Variants in RORA observed in about 807,000 individuals in gnomAD.
The protein encoded by RORA is RAR related orphan receptor A.
A neutral mutation model predicts 69.5 loss-of-function variants in RORA; 7 were observed. That is an observed-to-expected ratio of 0.10 (90% CI 0.06 to 0.19). The LOEUF is 0.19. RORA is among the 10% of genes least tolerant of loss of function. RORA has a pLI of 1.00. For synonymous variants in RORA, 261 were observed against 240.8 expected, an observed-to-expected ratio of 1.08 and a Z score of -0.78; for missense variants, 457 against 663.0, an observed-to-expected ratio of 0.69 and a Z score of 3.41.
intron 1 of RORA, among the ~76,000 whole-genome samples, chr15:60,802,915 C>T (rs1467878359): frequency 6.6e-6 from 1 of 151,896 alleles, no homozygotes; most frequent in Admixed American, 6.6e-5. Context: ...AAGGAAAACC[C>T]TTACATGTCC....
intron 10 of RORA, among the ~76,000 whole-genome samples, chr15:60,499,580 C>G (rs2065267610): frequency 2.0e-5 from 3 of 152,146 alleles, no homozygotes; most frequent in Non-Finnish European, 2.9e-5. Flanking sequence ...CAGTTTATGT[C>G]AGTGCAGAAT....
rs192338128 is a variant in RORA, at chr15:61,082,877, G to T, written c.166+146176C>A. 2.8e-3 allele frequency among the ~76,000 whole-genome samples: 423 copies of T among 152,252 alleles called. 4 individuals carry two copies. The highest frequency in any genetic ancestry group is 6.6e-4 in the Non-Finnish European group (45 of 68,018). On this transcript the variant is annotated intron_variant, in intron 1 of 10. Coordinates refer to ENST00000335670, the MANE Select transcript of RORA (RefSeq NM_134261.3). Reference sequence around the variant, plus strand: ...TCTGTTTAATACTGAGAAAGAATTGGAGAGTGTTGTCCTCAGTAGAAGCTT... The same window carrying T: ...TCTGTTTAATACTGAGAAAGAATTGTAGAGTGTTGTCCTCAGTAGAAGCTT...
At chr15:61,126,531 A>G (rs1342650615) in intron 1 of RORA, among the ~76,000 whole-genome samples, 2 of 152,236 alleles carry the variant, frequency 1.3e-5, no homozygotes, top group Non-Finnish European at 2.9e-5. Flanking sequence ...TTAAAAAATG[A>G]CTACTGTATA....
chr15:60,994,090 T>C (rs968150517), intron 1 of RORA, among the ~76,000 whole-genome samples: 7 of 152,224 alleles, frequency 4.6e-5, no homozygotes, highest in African/African-American at 1.7e-4. Flanking sequence ...AATTCAATGT[T>C]TTGTCCAAGT....
chr15:60,597,444 C>T (rs1400295802), intron 2 of RORA, among the ~76,000 whole-genome samples: 1 of 143,724 alleles, frequency 7.0e-6, no homozygotes, highest in African/African-American at 2.6e-5. Context: ...CCAAGAGGGA[C>T]CTCCATTCCT....
chr15:61,216,913 T>C (rs552722277), intron 1 of RORA, among the ~76,000 whole-genome samples: 2 of 152,282 alleles, frequency 1.3e-5, no homozygotes, highest in East Asian at 3.9e-4. Flanking sequence ...AAAAACCACA[T>C]ACACATATTG....
intron 2 of RORA, among the ~76,000 whole-genome samples, chr15:60,532,866 C>A (rs1454341599): frequency 6.6e-6 from 1 of 152,340 alleles, no homozygotes; most frequent in African/African-American, 2.4e-5. Flanking sequence ...AGATTACCTA[C>A]TGAGTTACAC....
At chr15:60,752,511 C>T (rs1438246039) in intron 1 of RORA, among the ~76,000 whole-genome samples, 1 of 152,026 alleles carries the variant, frequency 6.6e-6, no homozygotes. Context: ...GTTCCCAATC[C>T]TGTGATGTGA....
chr15:61,165,227 A>G (rs2079531162), intron 1 of RORA, among the ~76,000 whole-genome samples: 1 of 152,216 alleles, frequency 6.6e-6, no homozygotes, highest in Non-Finnish European at 1.5e-5. Flanking sequence ...TGGGGGCATA[A>G]GCCAGTTTTC....
At chr15:60,601,709 A>G (rs1478024137) in intron 2 of RORA, among the ~76,000 whole-genome samples, 2 of 152,306 alleles carry the variant, frequency 1.3e-5, no homozygotes, top group Non-Finnish European at 1.5e-5. Context: ...TTGTTCACCT[A>G]CTTTAATCAC....
chr15:60,961,917 C>A (rs758170406), intron 1 of RORA, among the ~76,000 whole-genome samples: 1 of 152,152 alleles, frequency 6.6e-6, no homozygotes. Context: ...CATATAAACA[C>A]GGAAGGCCTG....
rs1435246094 is a variant in RORA at position 61,147,764 on chromosome 15, C to CGTGTGTGTGTGT, written c.166+81288_166+81289insACACACACACAC. On this transcript the variant is annotated intron_variant, in intron 1 of 10. Coordinates refer to ENST00000335670, the MANE Select transcript of RORA (RefSeq NM_134261.3). The surrounding 1 kb of genome is among the most constrained non-coding windows in gnomAD (Gnocchi z 4.1). ...GATGGTCAGTAGGCACGTGCGCACA[C>CGTGTGTGTGTGT]GCGTGTGTGTGTGTGTGTGTGTGTG... Among the ~76,000 whole-genome samples, 2 of 33,584 alleles carry CGTGTGTGTGTGT rather than the reference C, an allele frequency of 6.0e-5. No homozygotes were observed. The highest frequency in any genetic ancestry group is 7.5e-5 in the African/African-American group (1 of 13,364). The allele number at this position is 33,584 out of a possible 152,430, so 22.0% of individuals were successfully genotyped here. A position where few individuals can be genotyped will look rare whatever the true frequency, so the allele number is the denominator to read the frequency against.
chr15:61,052,919 G>A (rs1407188784), intron 1 of RORA, among the ~76,000 whole-genome samples: 1 of 152,208 alleles, frequency 6.6e-6, no homozygotes, highest in African/African-American at 2.4e-5. Context: ...CAAGATTAAG[G>A]AAGTGACAGC....
intron 1 of RORA, among the ~76,000 whole-genome samples, chr15:60,983,325 G>T (rs28545359): frequency 6.6e-6 from 1 of 152,062 alleles, no homozygotes; most frequent in Non-Finnish European, 1.5e-5. Context: ...CTAGTATAGC[G>T]TCACATGACA....
chr15:60,898,774 G>A (rs377414779), intron 1 of RORA, among the ~76,000 whole-genome samples: 141 of 152,176 alleles, frequency 9.3e-4, no homozygotes, highest in Non-Finnish European at 1.7e-3. Context: ...GGCTTTTTTG[G>A]TTTTTGAGAA....
At position 60,497,279 on chromosome 15, in the gene RORA, C is replaced by A; in HGVS notation, c.*176G>T. The A allele has an allele frequency of 1.8e-6, 1 of 558,046 alleles. No homozygotes were observed. The highest frequency in any genetic ancestry group is 3.1e-6 in the Non-Finnish European group (1 of 319,438). 34.6% of individuals were successfully genotyped at this position (558,046 alleles called of 1,614,324 possible). On this transcript the variant is annotated 3_prime_UTR_variant, in exon 11 of 11. Transcript: ENST00000335670. ...ATCATATGCATGAGAAAAACAAGTTCAACTTTTATTTGTTTTCATTGTTTC... is the reference window on the plus strand; with the variant it reads ...ATCATATGCATGAGAAAAACAAGTTAAACTTTTATTTGTTTTCATTGTTTC...
intron 1 of RORA, among the ~76,000 whole-genome samples, chr15:60,715,295 G>C: frequency 6.6e-6 from 1 of 152,308 alleles, no homozygotes; most frequent in Admixed American, 6.5e-5. Context: ...GAATCTTAGT[G>C]GTGGAAGTTC....
intron 1 of RORA, among the ~76,000 whole-genome samples, chr15:60,883,800 C>A (rs1351083441): frequency 4.6e-5 from 7 of 152,098 alleles, no homozygotes; most frequent in Non-Finnish European, 8.8e-5. Context: ...AAATGGAGTA[C>A]AAAAGAGTAT....
chr15:60,624,977 A>G (rs1392345119), intron 2 of RORA, among the ~76,000 whole-genome samples: 4 of 152,306 alleles, frequency 2.6e-5, no homozygotes, highest in African/African-American at 9.6e-5. Context: ...GGAAAGCTTT[A>G]AAGACCCTCT....
Sources: gnomAD v4.1 joint callset for allele counts (sites outside exome capture counted in the v4.1 genomes callset) on GRCh38, gnomAD v4.1.1 for gene constraint, Gnocchi (gnomAD v3.1) non-coding constraint, MANE v1.5 for transcripts, NCBI Gene and HGNC (gene_info 2026-07-23, HGNC 2026-07-21) for gene names.